Variants in RBBP8NL observed in about 807,000 individuals in gnomAD.
RBBP8NL encodes RBBP8 N-terminal like, also known as RBBP8 N-terminal-like protein.
A neutral mutation model predicts 62.2 loss-of-function variants in RBBP8NL; 59 were observed. The observed-to-expected ratio is 0.95, with a 90% CI of 0.77 to 1.18. The LOEUF (loss-of-function observed/expected upper bound fraction) is 1.18, where lower values mean the gene tolerates loss of function less well. Among genes scored for constraint, RBBP8NL ranks in the 50% most tolerant of loss-of-function variants. The pLI, the probability that RBBP8NL is intolerant of heterozygous loss-of-function variation, is 0.00. For missense variants in RBBP8NL, 896 were observed against 899.5 expected, an observed-to-expected ratio of 1.00 and a Z score of 0.05; for synonymous variants, 412 against 394.1, an observed-to-expected ratio of 1.05 and a Z score of -0.54.
chr20:62,415,178 A>G lies in RBBP8NL; in HGVS notation c.737T>C (p.Leu246Pro). ...RGPANGTPPP[L>P]PARSSPPSPA... is the part of the protein sequence containing the mutation. ...GCTGGGTGGGCTGCTCCTGGCGGGC[A>G]GTGGTGGGGGCGTCCCATTGGCGGG... is the stretch of plus-strand genomic sequence containing the variant. The change falls in exon 9 of 14, where the codon CTG (leucine) becomes CCG (proline). Residue 246 changes from leucine (L) to proline (P), a missense_variant. Leu to Pro is a moderately conservative substitution (Grantham distance 98). Transcript: ENST00000252998. 3 of 1,525,032 alleles carry G rather than the reference A, an allele frequency of 2.0e-6. No homozygotes were observed. Among genetic ancestry groups the G allele is most frequent in the Non-Finnish European group, 2.6e-6 (3 of 1,135,160 alleles). 94.5% of individuals were successfully genotyped at this position (1,525,032 alleles called of 1,614,324 possible). A position where few individuals can be genotyped will look rare whatever the true frequency, so the allele number is the denominator to read the frequency against.
chr20:62,413,460 G>A lies in RBBP8NL; in HGVS notation c.1616C>T (p.Pro539Leu), dbSNP rs1988481532. Residue 539 changes from proline to leucine, a missense_variant, in exon 11 of 14, where the codon CCA becomes CTA. Transcript: ENST00000252998. ...TEDEDTGRPL[P>L]PPHPQPPPHP... ...GGGAGGCGGCTGTGGGTGGGGAGGT[G>A]GCAGAGGCCTCCCTGTGTCTTCATC... The A allele has an allele frequency of 8.1e-6, 12 of 1,476,684 alleles. No homozygotes were observed. Among genetic ancestry groups the A allele is most frequent in the East Asian group, 2.5e-5 (1 of 39,430 alleles). 91.5% of individuals were successfully genotyped at this position (1,476,684 alleles called of 1,614,324 possible).
At chr20:62,416,980 A>G (rs929774084) in intron 4 of RBBP8NL, 108 bp from the exon 5 acceptor site, 15 of 881,808 alleles carry the variant, frequency 1.7e-5, no homozygotes, top group Non-Finnish European at 2.4e-5. Context: ...TTTGCAAACT[A>G]TTCCGTAGAG....
chr20:62,414,549 G>A lies in RBBP8NL; in HGVS notation c.802C>T (p.Arg268Trp), dbSNP rs375114640. The A allele has an allele frequency of 2.1e-6, 3 of 1,423,696 alleles. No homozygotes were observed. The highest frequency in any genetic ancestry group is 2.8e-6 in the Non-Finnish European group (3 of 1,083,790). The allele number at this position is 1,423,696 out of a possible 1,614,324, so 88.2% of individuals were successfully genotyped here. A position where few individuals can be genotyped will look rare whatever the true frequency, so the allele number is the denominator to read the frequency against. The change falls in exon 10 of 14, where the codon CGG becomes TGG. Residue 268 changes from arginine (R) to tryptophan (W), a missense_variant. Physicochemically the swap from Arg to Trp is moderately radical, Grantham distance 101. Coordinates refer to ENST00000252998, the MANE Select transcript of RBBP8NL (RefSeq NM_080833.3). ...ERGLSLDSFL[R>W]ASRPSAMTHE... ...GTCATGGCGGAGGGCCGGGAGGCCC[G>A]CAGGAAGCTGTGAGGGAGGAGAAGC... is the stretch of plus-strand genomic sequence containing the variant.
rs768490738 is a variant in RBBP8NL, at chr20:62,413,863, C to T, written c.1488G>A (p.Lys496=). The stretch of plus-strand genomic sequence containing the variant: ...CCTCCTGCTCTGGCACTCTGGTCCC[C>T]TTGGTGCCATTGCTGAGTGCCTGGG... The part of the protein sequence containing the change: ...RSPQALSNGT[K]GTRVPEQEEA... The change falls in exon 10 of 14, where the codon AAG becomes AAA. Residue 496 remains lysine (K), a synonymous_variant. Transcript: ENST00000252998. The T allele has an allele frequency of 1.6e-4, 254 of 1,596,588 alleles. No homozygotes were observed. The highest frequency in any genetic ancestry group is 2.0e-4 in the Non-Finnish European group (238 of 1,172,648).
intron 2 of RBBP8NL, 80 bp downstream of exon 2, chr20:62,419,507 T>C: frequency 6.9e-7 from 1 of 1,444,978 alleles, no homozygotes; most frequent in Non-Finnish European, 9.7e-7. Context: ...TGATCATGGG[T>C]GCACAGTGGC....
At chr20:62,417,668 C>G (rs573938983) in intron 3 of RBBP8NL, among the ~76,000 whole-genome samples, 1 of 103,966 alleles carries the variant, frequency 9.6e-6, no homozygotes. Context: ...CACGCACCCC[C>G]CCCAGTCATC....
At chr20:62,426,477 A>G (rs1988811571) in intron 1 of RBBP8NL, among the ~76,000 whole-genome samples, 1 of 152,238 alleles carries the variant, frequency 6.6e-6, no homozygotes, top group South Asian at 2.1e-4. Flanking sequence ...CCTTGGAGGA[A>G]GTGCTGATTG....
In RBBP8NL at chr20:62,414,463, C is replaced by T; in HGVS notation, c.888G>A (p.Leu296=). 6.7e-7 allele frequency: 1 copy of T among 1,487,294 alleles called. No individual in the cohort carries two copies. Among genetic ancestry groups the T allele is most frequent in the Non-Finnish European group, 9.0e-7 (1 of 1,115,084 alleles). The allele number at this position is 1,487,294 out of a possible 1,614,324, so 92.1% of individuals were successfully genotyped here. ...TGTGGGGGCTCTGAAGGTGCAGGGA[C>T]AGGGGGCGGTTTAGGAGGCAGAGCC... The part of the protein sequence containing the change: ...VDRLCLLNRP[L]SLHLQSPHSS... Residue 296 remains leucine (L), a synonymous_variant, in exon 10 of 14, where the codon CTG becomes CTA. Coordinates refer to ENST00000252998, the MANE Select transcript of RBBP8NL (RefSeq NM_080833.3).
intron 8 of RBBP8NL, 120 bp from the exon 9 acceptor site, chr20:62,415,407 T>G: frequency 6.5e-6 from 9 of 1,389,042 alleles, no homozygotes; most frequent in Non-Finnish European, 8.8e-6. Flanking sequence ...ACTGCTGAGC[T>G]GCACCCCCAC....
chr20:62,419,377 G>A (rs1988650520), intron 2 of RBBP8NL, among the ~76,000 whole-genome samples: 2 of 152,170 alleles, frequency 1.3e-5, no homozygotes, highest in African/African-American at 4.8e-5. Context: ...CCCCGCTTGA[G>A]GTCAGCACTC....
intron 1 of RBBP8NL, among the ~76,000 whole-genome samples, chr20:62,426,456 G>A (rs187768236): frequency 1.3e-5 from 2 of 152,332 alleles, no homozygotes; most frequent in East Asian, 3.9e-4. Context: ...ATGTGGCCGG[G>A]GCCCACCTGG....
rs1316188649 is a variant in RBBP8NL at position 62,414,210 on chromosome 20, G to A, written c.1141C>T (p.Pro381Ser). ...GGTAGGGAGGGCAGCATCTCCCCGG[G>A]TGTGGGCTGGCCCCTTGGCCTGACA... ...GSVRPRGQPT[P>S]GEMLPSLPVG... The change falls in exon 10 of 14, where the codon CCC becomes TCC. Residue 381 changes from proline to serine, a missense_variant. Coordinates refer to ENST00000252998, the MANE Select transcript of RBBP8NL (RefSeq NM_080833.3). 19 of 1,607,318 alleles carry A rather than the reference G, an allele frequency of 1.2e-5. No individual in the cohort carries two copies. Among genetic ancestry groups the A allele is most frequent in the Non-Finnish European group, 1.4e-5 (17 of 1,178,364 alleles).
Position 62,415,798 on chromosome 20 carries a change from T to G in RBBP8NL, c.534A>C (p.Leu178=). 6.2e-7 allele frequency: 1 copy of G among 1,612,228 alleles called. No homozygotes were observed. The highest frequency in any genetic ancestry group is 1.1e-5 in the South Asian group (1 of 91,088). ...EAEEDHQGVG[L]RGEEKPAGHR... Reference sequence around the variant, plus strand: ...CGGTCCCCACAGCACCTTCTCCCCGTAGGCCCACGCCCTGGTGGTCTTCCT... The same window carrying G: ...CGGTCCCCACAGCACCTTCTCCCCGGAGGCCCACGCCCTGGTGGTCTTCCT... Residue 178 remains leucine (L), a synonymous_variant, in exon 7 of 14, where the codon CTA becomes CTC. Transcript: ENST00000252998.
At chr20:62,418,989 G>A (rs1407385191) in intron 2 of RBBP8NL, among the ~76,000 whole-genome samples, 3 of 152,128 alleles carry the variant, frequency 2.0e-5, no homozygotes, top group Non-Finnish European at 2.9e-5. Flanking sequence ...ACCACGGGGA[G>A]GTGCTGGCCC....
intron 2 of RBBP8NL, among the ~76,000 whole-genome samples, chr20:62,418,772 G>A (rs974282601): frequency 2.0e-5 from 3 of 152,194 alleles, no homozygotes; most frequent in African/African-American, 4.8e-5. Flanking sequence ...TAGAGGGACC[G>A]AGGGGCCATT....
At chr20:62,424,636 G>A (rs1188410557) in intron 1 of RBBP8NL, among the ~76,000 whole-genome samples, 1 of 152,172 alleles carries the variant, frequency 6.6e-6, no homozygotes, top group Non-Finnish European at 1.5e-5. Flanking sequence ...CCCTCCATGG[G>A]GAGCCTGAGG....
Position 62,412,733 on chromosome 20 carries a change from C to G in RBBP8NL, c.1767G>C (p.Ala589=), listed in dbSNP as rs368171031. The G allele has an allele frequency of 1.4e-5, 23 of 1,611,786 alleles. No individual in the cohort carries two copies. The highest frequency in any genetic ancestry group is 1.9e-5 in the Non-Finnish European group (23 of 1,179,974). The change falls in exon 13 of 14, where the codon GCG becomes GCC. Residue 589 remains alanine, a synonymous_variant. Transcript: ENST00000252998. ...PGSEVGLSSQ[A]EATTSTTGEG... ...CCCCGGTCGTGCTCGTAGTGGCCTCCGCCTGGGAGCTCAGGCCCACCTGGG... is the reference window on the plus strand; with the variant it reads ...CCCCGGTCGTGCTCGTAGTGGCCTCGGCCTGGGAGCTCAGGCCCACCTGGG...
intron 9 of RBBP8NL, 128 bp downstream of exon 9, chr20:62,414,993 G>T: frequency 9.6e-7 from 1 of 1,041,292 alleles, no homozygotes; most frequent in Non-Finnish European, 1.3e-6. Flanking sequence ...CAGGCTGGGT[G>T]CCCAGAAAAA....
chr20:62,414,349 T>C lies in RBBP8NL; in HGVS notation c.1002A>G (p.Thr334=). The C allele has an allele frequency of 6.4e-7, 1 of 1,555,174 alleles. No homozygotes were observed. Among genetic ancestry groups the C allele is most frequent in the Non-Finnish European group, 8.7e-7 (1 of 1,149,984 alleles). Residue 334 remains threonine (T), a synonymous_variant, in exon 10 of 14, where the codon ACA becomes ACG. Transcript: ENST00000252998. ...AREAEAWEEP[T]ELLGLPSALA... is the part of the protein sequence containing the mutation. ...GGGCACTGGGCAGCCCCAGCAGTTC[T>C]GTGGGCTCCTCCCAGGCCTCTGCTT...
Sources: allele counts gnomAD v4.1 joint callset (sites outside exome capture counted in the v4.1 genomes callset), GRCh38; gene constraint gnomAD v4.1.1; transcripts MANE v1.5; gene names NCBI Gene and HGNC (gene_info 2026-07-23, HGNC 2026-07-21).